Variants in B4GALT6 observed in about 807,000 individuals in gnomAD.
The protein encoded by B4GALT6 is beta-1,4-galactosyltransferase 6, also known as UDP-Gal:beta-GlcNAc beta-1,4-galactosyltransferase 6.
A neutral mutation model predicts 46.3 loss-of-function variants in B4GALT6; 14 were observed. The ratio of observed to expected loss-of-function variants is 0.30; its 90% confidence interval spans 0.20 to 0.47. The LOEUF is 0.47. Among genes scored for constraint, B4GALT6 ranks in the 20% least tolerant of loss-of-function variants. B4GALT6 has a pLI of 0.99. For synonymous variants in B4GALT6, 168 were observed against 162.0 expected (o/e 1.04, Z -0.28); for missense variants, 386 against 480.1 (o/e 0.80, Z 1.83).
intron 2 of B4GALT6, among the ~76,000 whole-genome samples, chr18:31,661,542 T>C (rs891952081): frequency 4.0e-5 from 6 of 151,838 alleles, no homozygotes; most frequent in Non-Finnish European, 8.8e-5. Context: ...GCTCTCGCTC[T>C]CTCTCACACA....
At chr18:31,692,758 T>C in the B4GALT6 span, among the ~76,000 whole-genome samples, 1 of 152,142 alleles carries the variant, frequency 6.6e-6, no homozygotes, top group Middle Eastern at 3.2e-3. Flanking sequence ...TTGTTATTTG[T>C]AGTTTATGCT....
chr18:31,632,549 T>C (rs1267589928), intron 5 of B4GALT6, among the ~76,000 whole-genome samples: 4 of 152,198 alleles, frequency 2.6e-5, no homozygotes, highest in East Asian at 1.9e-4. Flanking sequence ...AGAGTTCTGA[T>C]ATTTCTTGCT....
chr18:31,633,630 C>T (rs2073819564), intron 5 of B4GALT6, among the ~76,000 whole-genome samples: 1 of 152,196 alleles, frequency 6.6e-6, no homozygotes, highest in Admixed American at 6.5e-5. Flanking sequence ...CTGATTTCCT[C>T]CCCAGAATGT....
At position 31,653,614 on chromosome 18, in the gene B4GALT6, G is replaced by T. The variant is rs546020837; in HGVS notation, c.346+4362C>A. ...GCACCACTGCACTTGGCTAATTTTTGTGTGTGTGTTTTTGGTAGAGACAGG... is the reference window on the plus strand; with the variant it reads ...GCACCACTGCACTTGGCTAATTTTTTTGTGTGTGTTTTTGGTAGAGACAGG... On this transcript the variant is annotated intron_variant, in intron 3 of 8. Transcript: ENST00000306851. Among the ~76,000 whole-genome samples, 185 of 151,628 alleles carry T rather than the reference G, an allele frequency of 1.2e-3. 1 individual carries two copies. The highest frequency in any genetic ancestry group is 3.5e-3 in the African/African-American group (145 of 41,358).
At position 31,645,346 on chromosome 18, in the gene B4GALT6, T is replaced by C; in HGVS notation, c.471+9A>G. ...CAATCAAATTGCTTATGAAAAGAATTTACCTCACCTTCCATCTGGGTTTAC... is the reference window on the plus strand; with the variant it reads ...CAATCAAATTGCTTATGAAAAGAATCTACCTCACCTTCCATCTGGGTTTAC... On this transcript the variant is annotated intron_variant, in intron 4 of 8. Transcript: ENST00000306851. 6.2e-7 allele frequency: 1 copy of C among 1,612,824 alleles called. No individual in the cohort carries two copies. The highest frequency in any genetic ancestry group is 8.5e-7 in the Non-Finnish European group (1 of 1,179,698).
chr18:31,633,218 C>T (rs1218605680), intron 5 of B4GALT6, among the ~76,000 whole-genome samples: 1 of 151,950 alleles, frequency 6.6e-6, no homozygotes, highest in Non-Finnish European at 1.5e-5. Flanking sequence ...TCCCAGTATC[C>T]CTCATCCTTT....
chr18:31,658,664 T>C (rs375467791), intron 2 of B4GALT6, among the ~76,000 whole-genome samples: 21 of 152,294 alleles, frequency 1.4e-4, no homozygotes, highest in Non-Finnish European at 2.2e-4. Context: ...CCATTATCTT[T>C]AGAGTCAGCA....
At chr18:31,721,330 T>C in the B4GALT6 span, among the ~76,000 whole-genome samples, 1 of 151,914 alleles carries the variant, frequency 6.6e-6, no homozygotes, top group Non-Finnish European at 1.5e-5. Context: ...GAACTTAAAG[T>C]ATAAAAAAAA....
chr18:31,672,469 A>C (rs2074367288), intron 1 of B4GALT6, among the ~76,000 whole-genome samples: 1 of 152,068 alleles, frequency 6.6e-6, no homozygotes, highest in Admixed American at 6.5e-5. Context: ...ATGAAGACAG[A>C]CCACAAATAG....
At chr18:31,685,239 C>T (rs1314401342), upstream of B4GALT6, among the ~76,000 whole-genome samples, 9 of 150,850 alleles carry the variant, frequency 6.0e-5, no homozygotes, top group Admixed American at 5.9e-4. Context: ...GCCGCGCGCC[C>T]GGGGTGAGGC....
chr18:31,687,961 T>C (rs1452830722), upstream of B4GALT6, among the ~76,000 whole-genome samples: 1 of 152,132 alleles, frequency 6.6e-6, no homozygotes, highest in African/African-American at 2.4e-5. Context: ...AATAAAAATA[T>C]CTAATTTTTT....
the B4GALT6 span, among the ~76,000 whole-genome samples, chr18:31,702,234 G>A: frequency 6.6e-6 from 1 of 152,136 alleles, no homozygotes; most frequent in Non-Finnish European, 1.5e-5. Context: ...ACTTATTAAT[G>A]TTTCAAATAC....
At position 31,626,561 on chromosome 18, in the gene B4GALT6, C is replaced by T. The variant is rs866164923; in HGVS notation, c.900-177G>A. Among the ~76,000 whole-genome samples the T allele has an allele frequency of 4.5e-4, 69 of 152,262 alleles. 2 individuals carry two copies. Among genetic ancestry groups the T allele is most frequent in the African/African-American group, 1.4e-3 (60 of 41,556 alleles). The stretch of plus-strand genomic sequence containing the variant: ...ACTGGGCCGCACAGCAGGAGGTGAG[C>T]GATCATTACTGCTTGAGCTCCACCT... On this transcript the variant is annotated intron_variant, in intron 7 of 8. Coordinates refer to ENST00000306851, the MANE Select transcript of B4GALT6 (RefSeq NM_004775.5).
the B4GALT6 span, among the ~76,000 whole-genome samples, chr18:31,706,076 A>AGAACATAGTATT: frequency 6.6e-6 from 1 of 152,224 alleles, no homozygotes; most frequent in African/African-American, 2.4e-5. Flanking sequence ...TAACATGCCT[A>AGAACATAGTATT]GAACATAGTA....
At chr18:31,698,045 C>T in the B4GALT6 span, among the ~76,000 whole-genome samples, 2 of 152,162 alleles carry the variant, frequency 1.3e-5, no homozygotes, top group Admixed American at 1.3e-4. Context: ...TTGCTTTCCC[C>T]TCATTCTCTC....
chr18:31,674,574 T>C (rs1388467430), intron 1 of B4GALT6, among the ~76,000 whole-genome samples: 1 of 152,216 alleles, frequency 6.6e-6, no homozygotes, highest in African/African-American at 2.4e-5. Context: ...TATCTCTTTC[T>C]AAGAATTTCT....
chr18:31,674,284 G>A (rs1161344222), intron 1 of B4GALT6, among the ~76,000 whole-genome samples: 2 of 152,162 alleles, frequency 1.3e-5, no homozygotes, highest in East Asian at 3.9e-4. Context: ...GACTCTGAGG[G>A]GAAGGGATTT....
At chr18:31,699,518 C>T in the B4GALT6 span, among the ~76,000 whole-genome samples, 2 of 134,326 alleles carry the variant, frequency 1.5e-5, no homozygotes, top group African/African-American at 3.4e-5. Context: ...AGGTGATCTG[C>T]CTGCCTCGGC....
At chr18:31,679,842 C>T (rs1234451046) in intron 1 of B4GALT6, among the ~76,000 whole-genome samples, 8 of 152,188 alleles carry the variant, frequency 5.3e-5, no homozygotes, top group Non-Finnish European at 8.8e-5. Flanking sequence ...GAATCCAAAC[C>T]TCATGTTAAA....
Sources: gnomAD v4.1 joint callset for allele counts (sites outside exome capture counted in the v4.1 genomes callset) on GRCh38, gnomAD v4.1.1 for gene constraint, MANE v1.5 for transcripts, NCBI Gene and HGNC (gene_info 2026-07-23, HGNC 2026-07-21) for gene names.